MARCHF1: variants seen among roughly 807,000 people sequenced by gnomAD.
MARCHF1 encodes E3 ubiquitin-protein ligase MARCHF1.
Under a neutral mutation model 54.2 loss-of-function variants are expected in MARCHF1, and 40 were observed. The observed-to-expected ratio is 0.74, with a 90% CI of 0.57 to 0.96. The LOEUF (loss-of-function observed/expected upper bound fraction) is 0.96. Ranked by LOEUF, MARCHF1 falls within the 40% of genes least tolerant of loss-of-function variation. The probability of loss-of-function intolerance (pLI) is 0.00; values close to 1 mark genes in which losing one functional copy is unlikely to be tolerated. For synonymous variants in MARCHF1, 236 were observed against 236.3 expected (o/e 1.00, Z 0.01); for missense variants, 586 against 656.5 (o/e 0.89, Z 1.17).
At chr4:163,968,967 T>A (rs995250952) in intron 3 of MARCHF1, among the ~76,000 whole-genome samples, 1 of 151,970 alleles carries the variant, frequency 6.6e-6, no homozygotes, top group Admixed American at 6.6e-5. Context: ...GACTTAGAGG[T>A]CCTAGAAATA....
chr4:164,290,739 C>T (rs1734266038), intron 1 of MARCHF1, among the ~76,000 whole-genome samples: 1 of 152,000 alleles, frequency 6.6e-6, no homozygotes, highest in Non-Finnish European at 1.5e-5. Context: ...AGTATTCATA[C>T]TTCACTTTAA....
chr4:163,941,800 G>C (rs1481612135), intron 3 of MARCHF1, among the ~76,000 whole-genome samples: 6 of 152,094 alleles, frequency 3.9e-5, no homozygotes. Context: ...CATATGGAAA[G>C]TACTTAAAAC....
Position 163,645,446 on chromosome 4 carries a change from G to A in MARCHF1, c.163-32053C>T, listed in dbSNP as rs534102535. On this transcript the variant is annotated intron_variant, in intron 5 of 9. Transcript: ENST00000514618. ...CCTTCAAATGGAGACTCCAGCAAAC[G>A]AGTCTATGGATAACGAAGAACCAAG... Among the ~76,000 whole-genome samples, 14 of 152,268 alleles carry A rather than the reference G, an allele frequency of 9.2e-5. No homozygotes were observed. In the South Asian group the frequency reaches 2.3e-3, roughly 25 times the overall value.
chr4:163,683,937 G>C (rs933462058), intron 5 of MARCHF1, among the ~76,000 whole-genome samples: 2 of 146,828 alleles, frequency 1.4e-5, no homozygotes, highest in Non-Finnish European at 3.1e-5. Context: ...TCACTCACAC[G>C]TCTACCTGCT....
At chr4:163,817,328 T>C (rs1035991596) in intron 4 of MARCHF1, among the ~76,000 whole-genome samples, 1 of 149,984 alleles carries the variant, frequency 6.7e-6, no homozygotes, top group Non-Finnish European at 1.5e-5. Flanking sequence ...CATATACACA[T>C]ATACATATAT....
rs138299562 is a variant in MARCHF1 at position 163,630,332 on chromosome 4, T to C, written c.163-16939A>G. On this transcript the variant is annotated intron_variant, in intron 5 of 9. Coordinates refer to ENST00000514618, the MANE Select transcript of MARCHF1 (RefSeq NM_001394959.1). ...AATTATGCTGAGTGAAAGAAGCCAG[T>C]TACAAGAGTATACAAGCATCATTCT... Among the ~76,000 whole-genome samples, 584 of 152,284 alleles carry C rather than the reference T, an allele frequency of 3.8e-3. 1 individual carries two copies. The highest frequency in any genetic ancestry group is 0.013 in the African/African-American group (553 of 41,570).
chr4:163,610,175 T>C (rs1741286860), intron 7 of MARCHF1, among the ~76,000 whole-genome samples: 1 of 152,046 alleles, frequency 6.6e-6, no homozygotes, highest in Non-Finnish European at 1.5e-5. Flanking sequence ...TTCCTTTTCT[T>C]ACATTCTTCC....
intron 8 of MARCHF1, among the ~76,000 whole-genome samples, chr4:163,575,205 A>T (rs770120544): frequency 2.0e-5 from 3 of 152,000 alleles, no homozygotes; most frequent in Non-Finnish European, 2.9e-5. Flanking sequence ...ATTTTGAGAT[A>T]TGTCCCTTTT....
chr4:164,017,067 G>A (rs1384985408), intron 2 of MARCHF1, among the ~76,000 whole-genome samples: 2 of 151,376 alleles, frequency 1.3e-5, no homozygotes, highest in Non-Finnish European at 2.9e-5. Flanking sequence ...ATGATAAATG[G>A]GTCTTATCCC....
At chr4:163,804,470 G>T (rs189793094) in intron 4 of MARCHF1, among the ~76,000 whole-genome samples, 1 of 152,084 alleles carries the variant, frequency 6.6e-6, no homozygotes, top group Non-Finnish European at 1.5e-5. Context: ...GGATTCTGAT[G>T]CACACAAAAG....
chr4:164,145,394 C>A (rs13115895), intron 1 of MARCHF1, among the ~76,000 whole-genome samples: 119,383 of 150,478 alleles, frequency 0.79, 47,556 homozygotes, highest in Non-Finnish European at 0.83. Flanking sequence ...GACCAATATC[C>A]TTGATGAACA....
At chr4:164,226,131 AC>A (rs1448559447) in intron 1 of MARCHF1, among the ~76,000 whole-genome samples, 1 of 151,990 alleles carries the variant, frequency 6.6e-6, no homozygotes. Flanking sequence ...GTTCTCAATC[AC>A]CAAAAAGTTG....
chr4:163,663,551 CTAAT>C (rs953274799), intron 5 of MARCHF1, among the ~76,000 whole-genome samples: 8 of 151,978 alleles, frequency 5.3e-5, no homozygotes, highest in African/African-American at 1.7e-4. Context: ...TTGCTTGTCT[CTAAT>C]TGTCTTATTT....
chr4:164,377,915 T>C (rs1731244811), intron 1 of MARCHF1, among the ~76,000 whole-genome samples: 1 of 152,224 alleles, frequency 6.6e-6, no homozygotes, highest in Non-Finnish European at 1.5e-5. Flanking sequence ...ATGGGACTAC[T>C]AACTCCAGTT....
At chr4:163,854,213 CT>C in intron 3 of MARCHF1, 44 bp from the exon 4 acceptor site, 3 of 1,378,366 alleles carry the variant, frequency 2.2e-6, no homozygotes, top group Non-Finnish European at 2.9e-6. Context: ...CTTATTTTAG[CT>C]GTGTTTTGGA....
intron 1 of MARCHF1, among the ~76,000 whole-genome samples, chr4:164,193,637 C>G (rs114775618): frequency 0.013 from 2,031 of 152,146 alleles, 39 homozygotes; most frequent in African/African-American, 0.047. Context: ...AATGGATGTT[C>G]TATGAGGGCA....
intron 1 of MARCHF1, among the ~76,000 whole-genome samples, chr4:164,289,533 G>A (rs151191647): frequency 6.7e-6 from 1 of 149,678 alleles, no homozygotes; most frequent in East Asian, 2.0e-4. Flanking sequence ...ATTAAAGGAG[G>A]TGAGTTGTCA....
intron 1 of MARCHF1, among the ~76,000 whole-genome samples, chr4:164,288,431 T>C (rs899074541): frequency 3.3e-5 from 5 of 152,116 alleles, no homozygotes; most frequent in African/African-American, 1.2e-4. Context: ...TGCAAAGATT[T>C]ATCTAAATGA....
chr4:163,680,827 TGAA>T (rs991856184), intron 5 of MARCHF1, among the ~76,000 whole-genome samples: 1 of 152,124 alleles, frequency 6.6e-6, no homozygotes, highest in African/African-American at 2.4e-5. Context: ...CAACACTTAT[TGAA>T]GTTTACCATT....
Sources: allele counts gnomAD v4.1 joint callset (sites outside exome capture counted in the v4.1 genomes callset), GRCh38; gene constraint gnomAD v4.1.1; transcripts MANE v1.5; gene names NCBI Gene and HGNC (gene_info 2026-07-23, HGNC 2026-07-21).